BRF1: variants seen among roughly 807,000 people sequenced by gnomAD.
The protein encoded by BRF1 is BRF1 general transcription factor IIIB subunit.
BRF1 carries 59 observed loss-of-function variants against 81.7 expected under a neutral mutation model. The ratio of observed to expected loss-of-function variants is 0.72; its 90% CI spans 0.59 to 0.90. BRF1 has a LOEUF of 0.90. Ranked by LOEUF, BRF1 falls within the 40% of genes least tolerant of loss-of-function variation. BRF1 has a pLI of 0.00. For missense variants in BRF1, 1,050 were observed against 936.3 expected, an observed-to-expected ratio of 1.12 and a Z score of -1.58; for synonymous variants, 491 against 395.6, an observed-to-expected ratio of 1.24 and a Z score of -2.86.
chr14:105,213,532 C>T (rs1305851585), intron 15 of BRF1: 1 of 152,106 alleles, frequency 6.6e-6, no homozygotes, highest in Non-Finnish European at 1.5e-5. Context: ...GCAGACTGTA[C>T]CTTAGCTAGA....
chr14:105,313,291 A>G (rs1334433010), intron 1 of BRF1, among the ~76,000 whole-genome samples: 3 of 152,188 alleles, frequency 2.0e-5, no homozygotes, highest in Non-Finnish European at 4.4e-5. Flanking sequence ...CATCACAGAC[A>G]GCCTGTCCTC....
At chr14:105,266,050 G>A (rs1406100408) in intron 3 of BRF1, among the ~76,000 whole-genome samples, 2 of 152,056 alleles carry the variant, frequency 1.3e-5, no homozygotes, top group Non-Finnish European at 2.9e-5. Context: ...CAGCCTGGGT[G>A]AGGCAGTGAG....
Position 105,310,533 on chromosome 14 carries a change from C to CAAA in BRF1, c.-162+4786_-162+4788dup, listed in dbSNP as rs764203821. 1.9e-3 allele frequency among the ~76,000 whole-genome samples: 146 copies of CAAA among 78,592 alleles called. 1 individual carries two copies. The highest frequency in any genetic ancestry group is 9.6e-3 in the Middle Eastern group (1 of 104). 51.6% of individuals were successfully genotyped at this position (78,592 alleles called of 152,430 possible). On this transcript the variant is annotated intron_variant, in intron 1 of 17. Coordinates refer to the BRF1 transcript ENST00000327359. ...CGACAGACAGAGCGAGACTCTGTCT[C>CAAA]AAAAAAAAAAAAAAAAAAAAAAGAA...
chr14:105,248,673 C>G, intron 5 of BRF1: 1 of 981,518 alleles, frequency 1.0e-6, no homozygotes, highest in Non-Finnish European at 1.2e-6. Flanking sequence ...GGCAGGGGAG[C>G]GGGTGGCAGC....
At chr14:105,251,075 A>C in intron 5 of BRF1, 1 of 214,780 alleles carries the variant, frequency 4.7e-6, no homozygotes, top group Non-Finnish European at 1.0e-5. Flanking sequence ...TTCTGTAATA[A>C]AGGTTGCCTA....
intron 1 of BRF1, among the ~76,000 whole-genome samples, chr14:105,292,736 C>T (rs138927062): frequency 0.017 from 2,638 of 152,274 alleles, 86 homozygotes; most frequent in African/African-American, 0.059. Context: ...CACTGACAAA[C>T]AGGGCCAAGC....
At chr14:105,270,048 CGTGGGCTCTGTCTCTCGCCCTGCA>C (rs2056592894) in intron 3 of BRF1, among the ~76,000 whole-genome samples, 1 of 152,144 alleles carries the variant, frequency 6.6e-6, no homozygotes, top group Admixed American at 6.5e-5. Flanking sequence ...GGGACGCGGG[CGTGGGCTCTGTCTCTCGCCCTGCA>C]GTGGGCTGCC....
chr14:105,218,639 G>A (rs1249984779), intron 14 of BRF1, among the ~76,000 whole-genome samples: 1 of 152,240 alleles, frequency 6.6e-6, no homozygotes, highest in Non-Finnish European at 1.5e-5. Context: ...ACAAGGCAGG[G>A]AGGCATGACA....
chr14:105,293,946 GAC>G lies in BRF1; in HGVS notation c.184+6498_184+6499del, dbSNP rs2057627700. 4.6e-5 allele frequency among the ~76,000 whole-genome samples: 7 copies of G among 152,222 alleles called. No individual in the cohort carries two copies. In the South Asian group the frequency reaches 1.2e-3, roughly 27 times the overall value. ...GACAGTGGCCTTGGGACTAGAAAAC[GAC>G]AGCTCAGAGAGAAAGCTCAGCTTTC... On this transcript the variant is annotated intron_variant, in intron 1 of 17. Coordinates refer to ENST00000547530, the MANE Select transcript of BRF1 (RefSeq NM_001519.4).
At chr14:105,213,237 T>G (rs1274422092) in intron 15 of BRF1, 1 of 152,172 alleles carries the variant, frequency 6.6e-6, no homozygotes, top group Non-Finnish European at 1.5e-5. Flanking sequence ...CACCCCACTG[T>G]GGTCTCTCCA....
chr14:105,210,169 A>G lies in BRF1; in HGVS notation c.*382T>C. 3.4e-6 allele frequency: 1 copy of G among 290,726 alleles called. No individual in the cohort carries two copies. Among genetic ancestry groups the G allele is most frequent in the Non-Finnish European group, 6.6e-6 (1 of 152,584 alleles). 18.0% of individuals were successfully genotyped at this position (290,726 alleles called of 1,614,324 possible). On this transcript the variant is annotated 3_prime_UTR_variant, in exon 18 of 18. Coordinates refer to ENST00000547530, the MANE Select transcript of BRF1 (RefSeq NM_001519.4). The surrounding 1 kb of genome is among the most constrained non-coding windows in gnomAD (Gnocchi z 4.7). ...GACTCCAGAGCTGGTCCTGAGTCAC[A>G]GGGCCAGCACACTCAGCCCTCCACA...
chr14:105,260,413 C>G (rs2056094225), intron 3 of BRF1, among the ~76,000 whole-genome samples: 1 of 152,036 alleles, frequency 6.6e-6, no homozygotes, highest in Non-Finnish European at 1.5e-5. Context: ...GCCCTGTCGC[C>G]CAGGCTGGAG....
chr14:105,218,602 C>G (rs587677391), intron 14 of BRF1, among the ~76,000 whole-genome samples: 1 of 152,352 alleles, frequency 6.6e-6, no homozygotes, highest in African/African-American at 2.4e-5. Context: ...AGAGAGTAAG[C>G]TGGCAGAGCA....
chr14:105,225,973 C>G, intron 10 of BRF1, 96 bp downstream of exon 10: 1 of 1,253,808 alleles, frequency 8.0e-7, no homozygotes, highest in Non-Finnish European at 1.1e-6. Flanking sequence ...AGATAATCCC[C>G]TTCCCTTTCC....
At chr14:105,293,177 G>A (rs773631071) in intron 1 of BRF1, among the ~76,000 whole-genome samples, 2 of 152,156 alleles carry the variant, frequency 1.3e-5, no homozygotes, top group African/African-American at 2.4e-5. Context: ...ACCCCAGGCC[G>A]CAGGGAGAGG....
rs767496356 is a variant in BRF1 at position 105,228,930 on chromosome 14, C to CG, written c.695-18dup. ...CCAGGAGCGCTGGAAGGCAACGAGA[C>CG]GGGCCTCGTCAACCACGGCTGGGAA... On this transcript the variant is annotated splice_polypyrimidine_tract_variant and intron_variant, in intron 6 of 17. Transcript: ENST00000547530. 1.3e-5 allele frequency: 21 copies of CG among 1,612,218 alleles called. 1 individual carries two copies. The highest frequency in any genetic ancestry group is 1.7e-5 in the Non-Finnish European group (20 of 1,179,482).
chr14:105,241,755 C>T, intron 5 of BRF1: 1 of 340,940 alleles, frequency 2.9e-6, no homozygotes, highest in East Asian at 6.1e-5. Flanking sequence ...CCACACGCAA[C>T]AACGGTCCGG....
At chr14:105,223,646 G>A (rs1042449917) in intron 10 of BRF1, among the ~76,000 whole-genome samples, 6 of 152,236 alleles carry the variant, frequency 3.9e-5, no homozygotes, top group Admixed American at 1.3e-4. Flanking sequence ...GGGCAGGAGG[G>A]GGGGTGGTGA....
chr14:105,290,840 G>A (rs377374482), intron 1 of BRF1, among the ~76,000 whole-genome samples: 4 of 151,776 alleles, frequency 2.6e-5, no homozygotes, highest in Admixed American at 6.6e-5. Flanking sequence ...CTGGGGCCAC[G>A]CTGCTGCACC....
Sources: gnomAD v4.1 joint callset for allele counts (sites outside exome capture counted in the v4.1 genomes callset) on GRCh38, gnomAD v4.1.1 for gene constraint, Gnocchi (gnomAD v3.1) non-coding constraint, MANE v1.5 for transcripts, NCBI Gene and HGNC (gene_info 2026-07-23, HGNC 2026-07-21) for gene names.